AFDN: variants seen among roughly 807,000 people sequenced by gnomAD.
AFDN encodes the protein afadin, adherens junction formation factor.
In AFDN, 68 loss-of-function variants were observed where a neutral mutation model predicts 216.6. The observed-to-expected ratio is 0.31, with a 90% CI of 0.26 to 0.38. The LOEUF (loss-of-function observed/expected upper bound fraction) is 0.38. Among genes scored for constraint, AFDN ranks in the 10% least tolerant of loss-of-function variants. AFDN has a pLI of 1.00. For missense variants in AFDN, 2,136 were observed against 2,342.0 expected (o/e 0.91, Z 1.82); for synonymous variants, 868 against 853.7 (o/e 1.02, Z -0.29).
chr6:167,831,203 C>G (rs1380612770), intron 1 of AFDN, among the ~76,000 whole-genome samples: 1 of 152,088 alleles, frequency 6.6e-6, no homozygotes, highest in Non-Finnish European at 1.5e-5. Context: ...TCCCAAAGTC[C>G]TGGGATTACA....
At chr6:167,891,408 GGTGTGTGTGTGTGT>G (rs71004178) in intron 8 of AFDN, among the ~76,000 whole-genome samples, 1 of 72,110 alleles carries the variant, frequency 1.4e-5, no homozygotes, top group South Asian at 3.4e-4. Context: ...TAAAGGGGTG[GGTGTGTGTGTGTGT>G]GTGTGTGTGT....
At chr6:167,931,073 C>T (rs952768091) in intron 23 of AFDN, among the ~76,000 whole-genome samples, 1 of 152,104 alleles carries the variant, frequency 6.6e-6, no homozygotes, top group Non-Finnish European at 1.5e-5. Context: ...ACAGACACCC[C>T]GTGAAGGCGG....
chr6:167,880,649 T>C, intron 6 of AFDN, 132 bp downstream of exon 6: 2 of 852,814 alleles, frequency 2.3e-6, no homozygotes, highest in East Asian at 5.3e-5. Context: ...AATCATGTGC[T>C]AAATATATAT....
At chr6:167,952,391 C>T in intron 30 of AFDN, 1 of 1,455,578 alleles carries the variant, frequency 6.9e-7, no homozygotes, top group East Asian at 2.4e-5. Flanking sequence ...TTAAGACATG[C>T]TTTGACAAGT....
At chr6:167,940,593 ATG>A (rs1482817884) in intron 23 of AFDN, among the ~76,000 whole-genome samples, 2 of 22,358 alleles carry the variant, frequency 8.9e-5, no homozygotes, top group Non-Finnish European at 1.5e-4. Context: ...CACAGGAGAG[ATG>A]TGTGGACAGA....
At chr6:167,839,256 T>C (rs1780784810) in intron 1 of AFDN, among the ~76,000 whole-genome samples, 1 of 152,158 alleles carries the variant, frequency 6.6e-6, no homozygotes, top group South Asian at 2.1e-4. Flanking sequence ...ATGGAAATTA[T>C]TGTTTTCATG....
At chr6:167,836,183 A>G (rs1349345852) in intron 1 of AFDN, among the ~76,000 whole-genome samples, 1 of 152,198 alleles carries the variant, frequency 6.6e-6, no homozygotes, top group Non-Finnish European at 1.5e-5. Flanking sequence ...GATGTGACCT[A>G]AGCCACACCT....
chr6:167,878,573 C>T (rs375526910), intron 5 of AFDN, among the ~76,000 whole-genome samples: 20 of 147,914 alleles, frequency 1.4e-4, no homozygotes, highest in South Asian at 2.2e-4. Context: ...CATGCACGCA[C>T]GCACACACAC....
chr6:167,877,134 G>A lies in AFDN; in HGVS notation c.739+1639G>A, dbSNP rs547805466. ...GAAGGGTCTGAAGAAATATTTAAGA[G>A]GTAGAATTATCAGGAACTGGCAATA... On this transcript the variant is annotated intron_variant, in intron 5 of 33. Coordinates refer to ENST00000683244, the MANE Select transcript of AFDN (RefSeq NM_001386888.1). Among the ~76,000 whole-genome samples, 8 of 152,260 alleles carry A rather than the reference G, an allele frequency of 5.3e-5. No individual in the cohort carries two copies. In the South Asian group the frequency reaches 1.5e-3, roughly 28 times the overall value.
intron 1 of AFDN, among the ~76,000 whole-genome samples, chr6:167,858,277 A>G (rs191444859): frequency 6.6e-6 from 1 of 152,326 alleles, no homozygotes; most frequent in East Asian, 1.9e-4. Context: ...TAAGTAGATA[A>G]TGTTGGCAGT....
chr6:167,835,537 A>G lies in AFDN; in HGVS notation c.105+8300A>G, dbSNP rs150562193. Among the ~76,000 whole-genome samples the G allele has an allele frequency of 8.6e-3, 1,305 of 152,304 alleles. 28 individuals carry two copies. The highest frequency in any genetic ancestry group is 0.03 in the African/African-American group (1,240 of 41,562). The stretch of plus-strand genomic sequence containing the variant: ...ATAATTGAACAAAGAAACGTACTCA[A>G]TTTTCAAGGAAATCAGTCATTTTTT... On this transcript the variant is annotated intron_variant, in intron 1 of 33. Transcript: ENST00000683244.
chr6:167,956,408 C>G (rs2128717835), intron 30 of AFDN, among the ~76,000 whole-genome samples: 1 of 152,232 alleles, frequency 6.6e-6, no homozygotes, highest in African/African-American at 2.4e-5. Flanking sequence ...TTCTGCTCTT[C>G]CCTCTGGTCT....
intron 1 of AFDN, among the ~76,000 whole-genome samples, chr6:167,837,274 T>C: frequency 6.6e-6 from 1 of 152,214 alleles, no homozygotes; most frequent in East Asian, 1.9e-4. Context: ...ATTTGCTTCT[T>C]TCCATTATTC....
At chr6:167,911,942 C>A in intron 15 of AFDN, 1 of 178,550 alleles carries the variant, frequency 5.6e-6, no homozygotes, top group Non-Finnish European at 1.2e-5. Context: ...TGGGGTTTTT[C>A]TCTTCCCCCG....
At chr6:167,911,818 T>G in intron 15 of AFDN, 1 of 335,500 alleles carries the variant, frequency 3.0e-6, no homozygotes, top group South Asian at 3.0e-5. Context: ...TATTAACCAT[T>G]TTGAAGTGAA....
intron 15 of AFDN, chr6:167,911,839 G>A (rs73032773): frequency 0.022 from 6,491 of 299,920 alleles, 110 homozygotes; most frequent in Non-Finnish European, 0.033. Context: ...CAATTCAGTC[G>A]CATTTGGTGC....
rs532437042 is a variant in AFDN, at chr6:167,855,509, C to A, written c.106-9042C>A. On this transcript the variant is annotated intron_variant, in intron 1 of 33. Coordinates refer to ENST00000683244, the MANE Select transcript of AFDN (RefSeq NM_001386888.1). Reference sequence around the variant, plus strand: ...AAAAGTTAAGTCTTTGTGAATTGAACTTATTCTTGCAGTTTGGTCAGGTCC... The same window carrying A: ...AAAAGTTAAGTCTTTGTGAATTGAAATTATTCTTGCAGTTTGGTCAGGTCC... Among the ~76,000 whole-genome samples, 3 of 152,188 alleles carry A rather than the reference C, an allele frequency of 2.0e-5. No individual in the cohort carries two copies. The East Asian group carries it at 5.8e-4, about 29-fold the overall frequency.
chr6:167,840,860 C>T (rs926002174), intron 1 of AFDN, among the ~76,000 whole-genome samples: 1 of 152,002 alleles, frequency 6.6e-6, no homozygotes, highest in South Asian at 2.1e-4. Flanking sequence ...CCCTGGCAGC[C>T]GAGTCTGTGG....
intron 21 of AFDN, among the ~76,000 whole-genome samples, chr6:167,921,430 T>C (rs1333666514): frequency 2.6e-5 from 4 of 152,174 alleles, no homozygotes; most frequent in African/African-American, 9.7e-5. Flanking sequence ...AAGAATCGAG[T>C]GTTTTCTTTC....
Sources: gnomAD v4.1 joint callset for allele counts (sites outside exome capture counted in the v4.1 genomes callset) on GRCh38, gnomAD v4.1.1 for gene constraint, MANE v1.5 for transcripts, NCBI Gene and HGNC (gene_info 2026-07-23, HGNC 2026-07-21) for gene names.